PEBP4: variants seen among roughly 807,000 people sequenced by gnomAD.
The protein encoded by PEBP4 is phosphatidylethanolamine binding protein 4, also known as phosphatidylethanolamine-binding protein 4.
Under a neutral mutation model 23.9 loss-of-function variants are expected in PEBP4, and 22 were observed. The observed-to-expected ratio is 0.92, with a 90% confidence interval of 0.66 to 1.31. The LOEUF (loss-of-function observed/expected upper bound fraction) is 1.31, where lower values mean the gene tolerates loss of function less well. PEBP4 is among the 40% of genes most tolerant of loss of function. The pLI is 0.00. For synonymous variants in PEBP4, 112 were observed against 99.3 expected, an observed-to-expected ratio of 1.13 and a Z score of -0.76; for missense variants, 324 against 281.7, an observed-to-expected ratio of 1.15 and a Z score of -1.07.
At chr8:22,902,804 G>C (rs1808737269) in intron 3 of PEBP4, among the ~76,000 whole-genome samples, 2 of 152,192 alleles carry the variant, frequency 1.3e-5, no homozygotes, top group South Asian at 4.1e-4. Context: ...TTTGTCAAAA[G>C]GCAGGTCCCA....
chr8:22,782,321 G>A (rs534386903), intron 4 of PEBP4, among the ~76,000 whole-genome samples: 13 of 152,310 alleles, frequency 8.5e-5, no homozygotes, highest in African/African-American at 3.1e-4. Context: ...ACAGAGTAGT[G>A]CAAACTCACA....
At chr8:22,816,049 CCT>C (rs968330185) in intron 4 of PEBP4, among the ~76,000 whole-genome samples, 3 of 152,184 alleles carry the variant, frequency 2.0e-5, no homozygotes, top group African/African-American at 7.2e-5. Context: ...GTGTTTCACC[CCT>C]GAGACCGCTG....
intron 2 of PEBP4, chr8:22,925,221 C>G (rs1248975738): frequency 1.0e-6 from 1 of 985,318 alleles, no homozygotes; most frequent in African/African-American, 1.7e-5. Flanking sequence ...CAAAAGACAT[C>G]TTCCTGGCAT....
At chr8:22,871,848 G>A (rs1808013983) in intron 3 of PEBP4, among the ~76,000 whole-genome samples, 1 of 152,044 alleles carries the variant, frequency 6.6e-6, no homozygotes, top group Admixed American at 6.5e-5. Flanking sequence ...CACCGCGCCT[G>A]CCCTGATTTC....
At chr8:22,806,546 C>T (rs1352857170) in intron 4 of PEBP4, among the ~76,000 whole-genome samples, 11 of 144,018 alleles carry the variant, frequency 7.6e-5, no homozygotes, top group African/African-American at 2.6e-4. Flanking sequence ...AGCCAGAAGG[C>T]GGAGGTTGCA....
At chr8:22,776,185 C>T (rs758759616) in intron 4 of PEBP4, among the ~76,000 whole-genome samples, 1 of 152,204 alleles carries the variant, frequency 6.6e-6, no homozygotes, top group Non-Finnish European at 1.5e-5. Context: ...CTGACGCCAG[C>T]GCTCACACCC....
chr8:22,808,197 C>T (rs1806543657), intron 4 of PEBP4, among the ~76,000 whole-genome samples: 3 of 151,924 alleles, frequency 2.0e-5, no homozygotes, highest in Admixed American at 1.3e-4. Context: ...ATCCAACTTC[C>T]ATCCATCCAC....
upstream of PEBP4, among the ~76,000 whole-genome samples, chr8:22,932,412 G>A (rs552764214): frequency 4.6e-5 from 7 of 152,266 alleles, no homozygotes; most frequent in South Asian, 1.5e-3. Flanking sequence ...TGTGAGATAA[G>A]TGGAGCATAT....
intron 3 of PEBP4, among the ~76,000 whole-genome samples, chr8:22,917,128 A>AGGGGGGGGG (rs67211429): frequency 1.8e-5 from 2 of 108,270 alleles, no homozygotes; most frequent in Admixed American, 9.5e-5. Flanking sequence ...GGGGCGGGGG[A>AGGGGGGGGG]GGGGGGGGTG....
intron 3 of PEBP4, among the ~76,000 whole-genome samples, chr8:22,829,380 T>C (rs1458126323): frequency 6.6e-6 from 1 of 152,152 alleles, no homozygotes; most frequent in Admixed American, 6.5e-5. Flanking sequence ...TTCCAATATT[T>C]CAAGCCTTCT....
intron 3 of PEBP4, among the ~76,000 whole-genome samples, chr8:22,867,215 C>T (rs568015583): frequency 0.018 from 2,666 of 152,224 alleles, 31 homozygotes; most frequent in Middle Eastern, 0.058. Flanking sequence ...AAATCTTTTT[C>T]TATCTTTGGA....
At chr8:22,913,608 A>T (rs1294014830) in intron 3 of PEBP4, among the ~76,000 whole-genome samples, 1 of 151,866 alleles carries the variant, frequency 6.6e-6, no homozygotes, top group East Asian at 1.9e-4. Context: ...CCTCAGAAGC[A>T]TCTCCGGCAC....
At chr8:22,827,881 C>T (rs923777828) in intron 3 of PEBP4, among the ~76,000 whole-genome samples, 1 of 152,194 alleles carries the variant, frequency 6.6e-6, no homozygotes, top group Non-Finnish European at 1.5e-5. Flanking sequence ...TCTTTGTCAA[C>T]ACTTATAATT....
At chr8:22,850,325 G>A (rs1028119325) in intron 3 of PEBP4, among the ~76,000 whole-genome samples, 54 of 152,126 alleles carry the variant, frequency 3.5e-4, no homozygotes, top group Admixed American at 1.4e-3. Flanking sequence ...CCAGCATCTC[G>A]AATCAGGACA....
At chr8:22,772,712 G>C (rs1805740396) in intron 4 of PEBP4, among the ~76,000 whole-genome samples, 1 of 152,198 alleles carries the variant, frequency 6.6e-6, no homozygotes, top group South Asian at 2.1e-4. Context: ...GCTATGAACT[G>C]AGAGGCTGGT....
chr8:22,741,086 T>C (rs1165109662), intron 4 of PEBP4, among the ~76,000 whole-genome samples: 1 of 152,140 alleles, frequency 6.6e-6, no homozygotes, highest in Non-Finnish European at 1.5e-5. Flanking sequence ...GTGTTGCCTA[T>C]AGACCAGATG....
At chr8:22,857,937 G>T (rs1470098253) in intron 3 of PEBP4, among the ~76,000 whole-genome samples, 1 of 152,178 alleles carries the variant, frequency 6.6e-6, no homozygotes, top group Non-Finnish European at 1.5e-5. Flanking sequence ...CATGCCCCTG[G>T]TGCATGGTGT....
chr8:22,828,464 A>G (rs1338595301), intron 3 of PEBP4, among the ~76,000 whole-genome samples: 9 of 151,998 alleles, frequency 5.9e-5, no homozygotes, highest in Admixed American at 2.0e-4. Context: ...ACAACAAGCC[A>G]TCTCCCCTGC....
intron 3 of PEBP4, among the ~76,000 whole-genome samples, chr8:22,915,554 T>C (rs1809055586): frequency 6.6e-6 from 1 of 152,232 alleles, no homozygotes; most frequent in African/African-American, 2.4e-5. Flanking sequence ...CTTTCGTCTC[T>C]GAATCAATAG....
Sources: gnomAD v4.1 joint callset for allele counts (sites outside exome capture counted in the v4.1 genomes callset) on GRCh38, gnomAD v4.1.1 for gene constraint, MANE v1.5 for transcripts, NCBI Gene and HGNC (gene_info 2026-07-23, HGNC 2026-07-21) for gene names.